BLTP3B: variants seen among roughly 807,000 people sequenced by gnomAD.
BLTP3B encodes the protein UHRF1 (ICBP90) binding protein 1-like.
the BLTP3B span, among the ~76,000 whole-genome samples, chr12:100,112,979 T>C: frequency 6.6e-6 from 1 of 152,048 alleles, no homozygotes; most frequent in East Asian, 1.9e-4. Context: ...AAGACTAGCC[T>C]GGGTAACATG....
At chr12:100,069,748 A>G in the BLTP3B span, among the ~76,000 whole-genome samples, 1 of 152,132 alleles carries the variant, frequency 6.6e-6, no homozygotes, top group Admixed American at 6.6e-5. Context: ...GACTACAAAT[A>G]GGGTACAGTG....
the BLTP3B span, chr12:100,128,769 TA>T: frequency 8.0e-7 from 1 of 1,243,010 alleles, no homozygotes; most frequent in Non-Finnish European, 1.0e-6. Flanking sequence ...GGAGCAAGTT[TA>T]AGGGAAGGAA....
At chr12:100,047,906 A>G in the BLTP3B span, 1 of 1,401,462 alleles carries the variant, frequency 7.1e-7, no homozygotes, top group Non-Finnish European at 9.4e-7. Flanking sequence ...AGATAAGGAA[A>G]AGGAACATGA....
chr12:100,117,907 G>A, the BLTP3B span, among the ~76,000 whole-genome samples: 1 of 152,046 alleles, frequency 6.6e-6, no homozygotes, highest in Non-Finnish European at 1.5e-5. Context: ...AAGTTATCTG[G>A]GGGACTCATT....
At chr12:100,100,990 TATG>T in the BLTP3B span, among the ~76,000 whole-genome samples, 7 of 152,196 alleles carry the variant, frequency 4.6e-5, no homozygotes, top group Non-Finnish European at 1.0e-4. Flanking sequence ...TTATAAAGCT[TATG>T]ATACTATAAA....
the BLTP3B span, among the ~76,000 whole-genome samples, chr12:100,134,566 G>T: frequency 4.0e-5 from 6 of 151,764 alleles, no homozygotes; most frequent in Admixed American, 3.3e-4. Context: ...GCAGTGAGCT[G>T]AGATTGTGCC....
At chr12:100,125,975 A>G in the BLTP3B span, among the ~76,000 whole-genome samples, 1 of 152,140 alleles carries the variant, frequency 6.6e-6, no homozygotes, top group Non-Finnish European at 1.5e-5. Flanking sequence ...TCTTAACAGT[A>G]AAGTAGATAT....
At chr12:100,059,407 C>T in the BLTP3B span, 13 of 1,613,908 alleles carry the variant, frequency 8.1e-6, no homozygotes, top group South Asian at 1.4e-4. Flanking sequence ...AACAAAGCTT[C>T]TAGGTCAGAA....
the BLTP3B span, chr12:100,047,618 A>C: frequency 1.9e-6 from 3 of 1,611,816 alleles, no homozygotes; most frequent in Non-Finnish European, 2.5e-6. Context: ...GGGATACTGT[A>C]CTACTCCGGG....
At chr12:100,135,083 A>C in the BLTP3B span, among the ~76,000 whole-genome samples, 1 of 152,102 alleles carries the variant, frequency 6.6e-6, no homozygotes, top group South Asian at 2.1e-4. Context: ...AAGTCACTAC[A>C]AGGTCCCACA....
At chr12:100,078,871 T>C in the BLTP3B span, among the ~76,000 whole-genome samples, 2,578 of 152,202 alleles carry the variant, frequency 0.017, 21 homozygotes, top group Non-Finnish European at 0.021. Flanking sequence ...TGGGAGGTGA[T>C]TGAATTATGG....
the BLTP3B span, among the ~76,000 whole-genome samples, chr12:100,065,742 T>A: frequency 6.6e-6 from 1 of 152,192 alleles, no homozygotes. Context: ...TAGACCCTTA[T>A]TAGGAGTTTT....
the BLTP3B span, among the ~76,000 whole-genome samples, chr12:100,044,924 CA>C: frequency 6.6e-6 from 1 of 151,982 alleles, no homozygotes; most frequent in Non-Finnish European, 1.5e-5. Flanking sequence ...AATAAATGTG[CA>C]AAAATCACAA....
At chr12:100,128,813 T>C in the BLTP3B span, 4 of 1,110,236 alleles carry the variant, frequency 3.6e-6, no homozygotes, top group Non-Finnish European at 4.5e-6. Context: ...AAAATTTAGC[T>C]GTGGTGCCCT....
At chr12:100,103,803 T>A in the BLTP3B span, 2 of 926,976 alleles carry the variant, frequency 2.2e-6, no homozygotes, top group Non-Finnish European at 3.1e-6. Context: ...GAAACCTAAC[T>A]GGTGAAAAAT....
At chr12:100,079,914 C>T in the BLTP3B span, among the ~76,000 whole-genome samples, 3 of 152,234 alleles carry the variant, frequency 2.0e-5, no homozygotes, top group Non-Finnish European at 4.4e-5. Flanking sequence ...TGGGCCATAG[C>T]TTCAGAAGGT....
the BLTP3B span, chr12:100,037,826 T>C: frequency 7.4e-7 from 1 of 1,354,848 alleles, no homozygotes; most frequent in East Asian, 2.5e-5. Context: ...TTATATAGTA[T>C]CCAAAGGTAT....
At chr12:100,108,567 T>G in the BLTP3B span, 1 of 1,584,322 alleles carries the variant, frequency 6.3e-7, no homozygotes, top group Non-Finnish European at 8.6e-7. Flanking sequence ...GAATACACAT[T>G]GACATTTATT....
the BLTP3B span, among the ~76,000 whole-genome samples, chr12:100,053,374 C>T: frequency 1.3e-5 from 2 of 152,022 alleles, no homozygotes; most frequent in Non-Finnish European, 2.9e-5. Context: ...CACCACCGCA[C>T]TCCAACCTGG....
Sources: gnomAD v4.1 joint callset for allele counts (sites outside exome capture counted in the v4.1 genomes callset) on GRCh38, gnomAD v4.1.1 for gene constraint, MANE v1.5 for transcripts, NCBI Gene and HGNC (gene_info 2026-07-23, HGNC 2026-07-21) for gene names.